CA10: variants seen among roughly 807,000 people sequenced by gnomAD.
The protein encoded by CA10 is carbonic anhydrase-related protein 10.
A neutral mutation model predicts 44.2 loss-of-function variants in CA10; 14 were observed. The ratio of observed to expected loss-of-function variants is 0.32; its 90% confidence interval spans 0.21 to 0.50. The LOEUF (loss-of-function observed/expected upper bound fraction) is 0.50, where lower values mean the gene tolerates loss of function less well. Ranked by LOEUF, CA10 falls within the 20% of genes least tolerant of loss-of-function variation. CA10 has a pLI of 0.99. For missense variants in CA10, 350 were observed against 409.7 expected, an observed-to-expected ratio of 0.85 and a Z score of 1.26; for synonymous variants, 159 against 141.6, an observed-to-expected ratio of 1.12 and a Z score of -0.87.
intron 1 of CA10, among the ~76,000 whole-genome samples, chr17:52,117,473 TCCA>T (rs1988922882): frequency 6.6e-6 from 1 of 152,192 alleles, no homozygotes; most frequent in African/African-American, 2.4e-5. Context: ...TTCTTTTTTC[TCCA>T]CCCTGAGAAT....
chr17:51,662,342 A>G (rs748659495), intron 4 of CA10, among the ~76,000 whole-genome samples: 3 of 152,212 alleles, frequency 2.0e-5, no homozygotes, highest in Non-Finnish European at 4.4e-5. Flanking sequence ...GCTCACCCAT[A>G]TTACCACATT....
At chr17:52,126,703 T>G (rs1989127325) in intron 1 of CA10, among the ~76,000 whole-genome samples, 1 of 152,208 alleles carries the variant, frequency 6.6e-6, no homozygotes, top group African/African-American at 2.4e-5. Context: ...CTCGTTTTTA[T>G]TTGGGGCATA....
chr17:52,119,280 C>T (rs1024944383), intron 1 of CA10, among the ~76,000 whole-genome samples: 1 of 131,134 alleles, frequency 7.6e-6, no homozygotes, highest in Non-Finnish European at 1.7e-5. Flanking sequence ...TGTGTCAGTG[C>T]AATAAGAATC....
intron 2 of CA10, among the ~76,000 whole-genome samples, chr17:51,945,154 TTAATTGGCTGGTTTTCATCC>T (rs1402112357): frequency 2.6e-5 from 4 of 152,204 alleles, no homozygotes; most frequent in African/African-American, 9.6e-5. Flanking sequence ...AGGGATTTAG[TTAATTGGCTGGTTTTCATCC>T]TAATTGGCTG....
intron 4 of CA10, among the ~76,000 whole-genome samples, chr17:51,703,278 A>G (rs1915657727): frequency 6.6e-6 from 1 of 152,158 alleles, no homozygotes; most frequent in African/African-American, 2.4e-5. Context: ...TTCATTAGTT[A>G]TAGTGATTAT....
At chr17:51,644,486 C>T (rs981928936) in intron 6 of CA10, among the ~76,000 whole-genome samples, 13 of 152,178 alleles carry the variant, frequency 8.5e-5, no homozygotes, top group Non-Finnish European at 1.5e-4. Flanking sequence ...AACGTTTAAA[C>T]GCCATCTGGA....
chr17:52,030,734 A>G (rs1044780926), intron 2 of CA10, among the ~76,000 whole-genome samples: 3 of 152,244 alleles, frequency 2.0e-5, no homozygotes, highest in African/African-American at 7.2e-5. Flanking sequence ...GAAAAGGCAA[A>G]TGTGTCAATC....
chr17:52,018,190 G>C (rs989754535), intron 2 of CA10, among the ~76,000 whole-genome samples: 4 of 152,126 alleles, frequency 2.6e-5, no homozygotes, highest in African/African-American at 9.7e-5. Flanking sequence ...TGTGGGGTTG[G>C]AGCCCCCATA....
chr17:51,815,316 TG>T (rs1235962896), intron 3 of CA10, among the ~76,000 whole-genome samples: 1 of 152,064 alleles, frequency 6.6e-6, no homozygotes, highest in Non-Finnish European at 1.5e-5. Context: ...GGAAGTGAGA[TG>T]GTTTGGGTTG....
At chr17:51,764,176 T>TC (rs1253987305) in intron 3 of CA10, among the ~76,000 whole-genome samples, 1 of 152,196 alleles carries the variant, frequency 6.6e-6, no homozygotes, top group Non-Finnish European at 1.5e-5. Flanking sequence ...TATCATTGTC[T>TC]CCTGACTGCT....
At chr17:51,887,887 G>A (rs1022735066) in intron 3 of CA10, among the ~76,000 whole-genome samples, 17 of 151,680 alleles carry the variant, frequency 1.1e-4, no homozygotes, top group African/African-American at 3.9e-4. Context: ...TTAGTCGGGT[G>A]TGGTGGCAGG....
intron 3 of CA10, among the ~76,000 whole-genome samples, chr17:51,897,641 T>C (rs562528971): frequency 1.4e-3 from 215 of 152,296 alleles, no homozygotes; most frequent in Non-Finnish European, 2.3e-3. Context: ...ATTGAATCTA[T>C]AAATTGCTCT....
chr17:51,898,870 T>C (rs761493163), intron 3 of CA10, among the ~76,000 whole-genome samples: 2 of 152,076 alleles, frequency 1.3e-5, no homozygotes, highest in South Asian at 2.1e-4. Flanking sequence ...AGGTTTTTTT[T>C]AATATTTCTG....
intron 4 of CA10, among the ~76,000 whole-genome samples, chr17:51,717,360 C>A (rs1178697531): frequency 2.0e-5 from 3 of 151,690 alleles, no homozygotes; most frequent in Non-Finnish European, 4.4e-5. Flanking sequence ...GGAAAATGAA[C>A]CATGTGATTA....
At position 52,121,949 on chromosome 17, in the gene CA10, TTA is replaced by T. The variant is rs1989024442; in HGVS notation, c.61+35775_61+35776del. 2.0e-5 allele frequency among the ~76,000 whole-genome samples: 3 copies of T among 152,228 alleles called. No individual in the cohort carries two copies. In the South Asian group the frequency reaches 6.2e-4, roughly 32 times the overall value. On this transcript the variant is annotated intron_variant, in intron 1 of 8. Transcript: ENST00000451037. The stretch of plus-strand genomic sequence containing the variant: ...TGCATCTCTCAGAATGTAGCAATTA[TTA>T]TCCTAGCACCAACAGCAGCAAACTA...
At chr17:51,709,162 C>T (rs1449739314) in intron 4 of CA10, among the ~76,000 whole-genome samples, 2 of 152,132 alleles carry the variant, frequency 1.3e-5, no homozygotes, top group Non-Finnish European at 1.5e-5. Flanking sequence ...CATTTACTTG[C>T]TCATCTAGCA....
intron 5 of CA10, among the ~76,000 whole-genome samples, chr17:51,649,652 T>C (rs1052173239): frequency 6.6e-6 from 1 of 152,164 alleles, no homozygotes; most frequent in Non-Finnish European, 1.5e-5. Flanking sequence ...AATCTTTACA[T>C]ACACGGACAT....
intron 4 of CA10, among the ~76,000 whole-genome samples, chr17:51,678,945 T>C (rs1224117151): frequency 1.3e-5 from 2 of 152,182 alleles, no homozygotes; most frequent in African/African-American, 4.8e-5. Context: ...AATAATAGAA[T>C]GAAGGGAAAG....
At chr17:51,855,063 G>A (rs1978979377) in intron 3 of CA10, among the ~76,000 whole-genome samples, 1 of 152,138 alleles carries the variant, frequency 6.6e-6, no homozygotes, top group African/African-American at 2.4e-5. Flanking sequence ...GAAGAGAGGT[G>A]GAAAGAGCAC....
Sources: allele counts gnomAD v4.1 joint callset (sites outside exome capture counted in the v4.1 genomes callset), GRCh38; gene constraint gnomAD v4.1.1; transcripts MANE v1.5; gene names NCBI Gene and HGNC (gene_info 2026-07-23, HGNC 2026-07-21).